Variants in IGSF11 observed in about 807,000 individuals in gnomAD.
IGSF11 encodes immunoglobulin superfamily member 11.
IGSF11 carries 22 observed loss-of-function variants against 41.0 expected under a neutral mutation model. That is an observed-to-expected ratio of 0.54 (90% CI 0.38 to 0.77). The LOEUF (loss-of-function observed/expected upper bound fraction) is 0.77. IGSF11 is among the 30% of genes least tolerant of loss of function. The pLI is 0.00. For synonymous variants in IGSF11, 219 were observed against 201.3 expected, an observed-to-expected ratio of 1.09 and a Z score of -0.74; for missense variants, 444 against 530.8, an observed-to-expected ratio of 0.84 and a Z score of 1.61.
intron 1 of IGSF11, among the ~76,000 whole-genome samples, chr3:119,144,174 C>T (rs1247298312): frequency 1.3e-5 from 2 of 152,118 alleles, no homozygotes; most frequent in Non-Finnish European, 2.9e-5. Flanking sequence ...CCTCAGCCCA[C>T]CAGTAGCTGG....
intron 1 of IGSF11, among the ~76,000 whole-genome samples, chr3:118,949,948 G>C (rs1344882879): frequency 1.3e-5 from 2 of 152,148 alleles, no homozygotes; most frequent in Non-Finnish European, 2.9e-5. Context: ...ATGAAAATTG[G>C]CCTTAGTCCT....
At chr3:118,986,796 A>G (rs1048368171) in intron 1 of IGSF11, among the ~76,000 whole-genome samples, 1 of 152,206 alleles carries the variant, frequency 6.6e-6, no homozygotes, top group African/African-American at 2.4e-5. Context: ...AGAACACAGA[A>G]ATTGAGCAAA....
intron 4 of IGSF11, among the ~76,000 whole-genome samples, chr3:118,909,461 C>T (rs1467145525): frequency 6.6e-6 from 1 of 151,988 alleles, no homozygotes; most frequent in Non-Finnish European, 1.5e-5. Flanking sequence ...TGTCAAAAAT[C>T]TGTGGAAAAA....
At chr3:119,029,270 A>ACC (rs1310932664) in intron 1 of IGSF11, among the ~76,000 whole-genome samples, 3 of 144,826 alleles carry the variant, frequency 2.1e-5, no homozygotes, top group Non-Finnish European at 4.6e-5. Flanking sequence ...ACACACACAC[A>ACC]CACACCCGAG....
chr3:119,080,525 A>G (rs934276647), intron 1 of IGSF11, among the ~76,000 whole-genome samples: 11 of 152,242 alleles, frequency 7.2e-5, no homozygotes, highest in Non-Finnish European at 1.6e-4. Context: ...TGCAAGAACA[A>G]GTAACACTGA....
At chr3:119,131,224 G>A (rs1423064651) in intron 1 of IGSF11, among the ~76,000 whole-genome samples, 1 of 152,134 alleles carries the variant, frequency 6.6e-6, no homozygotes, top group African/African-American at 2.4e-5. Flanking sequence ...CAGAAGTAGG[G>A]TTCAGAAGAT....
intron 1 of IGSF11, among the ~76,000 whole-genome samples, chr3:119,116,996 AAACT>A: frequency 6.6e-6 from 1 of 151,204 alleles, no homozygotes; most frequent in East Asian, 1.9e-4. Context: ...CCCTTTTCCC[AAACT>A]GTCCTTGAAA....
intron 1 of IGSF11, among the ~76,000 whole-genome samples, chr3:119,034,083 A>T (rs982595131): frequency 2.6e-5 from 4 of 152,246 alleles, no homozygotes; most frequent in Non-Finnish European, 5.9e-5. Context: ...AAACGTGTAT[A>T]GGCTTCTAAA....
At chr3:119,069,207 C>T (rs1187320657) in intron 1 of IGSF11, among the ~76,000 whole-genome samples, 2 of 152,014 alleles carry the variant, frequency 1.3e-5, no homozygotes, top group Admixed American at 6.6e-5. Context: ...AGATTACAGG[C>T]GTGAGCCACT....
At chr3:119,078,425 A>G (rs1481494865) in intron 1 of IGSF11, among the ~76,000 whole-genome samples, 2 of 152,170 alleles carry the variant, frequency 1.3e-5, no homozygotes, top group African/African-American at 4.8e-5. Context: ...CATACCTACA[A>G]CTGTCTAATC....
intron 1 of IGSF11, among the ~76,000 whole-genome samples, chr3:119,111,202 A>T (rs2077151787): frequency 6.6e-6 from 1 of 152,184 alleles, no homozygotes; most frequent in Admixed American, 6.5e-5. Flanking sequence ...ACTTGGTTCC[A>T]TTCTCCCCAT....
At chr3:119,144,391 T>C (rs55911923) in intron 1 of IGSF11, among the ~76,000 whole-genome samples, 35,465 of 152,082 alleles carry the variant, frequency 0.23, 4,297 homozygotes, top group South Asian at 0.3. Flanking sequence ...GGATAAACCA[T>C]ATGGTAGGCC....
chr3:119,057,478 C>A (rs1379533932), intron 1 of IGSF11, among the ~76,000 whole-genome samples: 1 of 152,076 alleles, frequency 6.6e-6, no homozygotes, highest in Non-Finnish European at 1.5e-5. Context: ...AAAGAGGATA[C>A]AAACAAATGG....
intron 1 of IGSF11, among the ~76,000 whole-genome samples, chr3:118,968,394 T>G (rs1377319778): frequency 6.6e-6 from 1 of 152,170 alleles, no homozygotes; most frequent in Non-Finnish European, 1.5e-5. Flanking sequence ...AAGATCTAGC[T>G]TCTCTAAAAC....
intron 1 of IGSF11, among the ~76,000 whole-genome samples, chr3:119,023,124 T>C (rs114058663): frequency 7.0e-4 from 107 of 151,990 alleles, no homozygotes; most frequent in African/African-American, 2.6e-3. Flanking sequence ...CAGCCAGGCG[T>C]TGTGGCTGAT....
chr3:118,935,590 G>A (rs1943211025), intron 1 of IGSF11, among the ~76,000 whole-genome samples: 1 of 151,822 alleles, frequency 6.6e-6, no homozygotes, highest in Non-Finnish European at 1.5e-5. Flanking sequence ...GTGAAAGTCT[G>A]TAAAGAGGCT....
At chr3:119,105,752 T>TG (rs1383536946), upstream of IGSF11, among the ~76,000 whole-genome samples, 4 of 152,192 alleles carry the variant, frequency 2.6e-5, no homozygotes, top group Non-Finnish European at 5.9e-5. Context: ...TTCCTCAATC[T>TG]GGATGAGCAC....
chr3:118,997,231 A>T (rs577770321), intron 1 of IGSF11, among the ~76,000 whole-genome samples: 178 of 152,348 alleles, frequency 1.2e-3, no homozygotes, highest in Non-Finnish European at 2.2e-3. Flanking sequence ...ATTTGGCATC[A>T]CTATTTCAGG....
chr3:119,006,465 G>A (rs1192736228), intron 1 of IGSF11, among the ~76,000 whole-genome samples: 4 of 126,960 alleles, frequency 3.2e-5, no homozygotes, highest in Admixed American at 8.0e-5. Context: ...CTCTCAGCTC[G>A]TCAAAATCAT....
Sources: allele counts gnomAD v4.1 joint callset (sites outside exome capture counted in the v4.1 genomes callset), GRCh38; gene constraint gnomAD v4.1.1; transcripts MANE v1.5; gene names NCBI Gene and HGNC (gene_info 2026-07-23, HGNC 2026-07-21).